METTL25: variants seen among roughly 807,000 people sequenced by gnomAD.
METTL25 encodes the protein probable methyltransferase-like protein 25.
METTL25 carries 64 observed loss-of-function variants against 71.6 expected under a neutral mutation model. That is an observed-to-expected ratio of 0.89 (90% CI 0.73 to 1.10). The LOEUF is 1.10. METTL25 is among the 50% of genes least tolerant of loss of function. The probability of loss-of-function intolerance (pLI) is 0.00; values close to 1 mark genes in which losing one functional copy is unlikely to be tolerated. For missense variants in METTL25, 807 were observed against 707.0 expected, an observed-to-expected ratio of 1.14 and a Z score of -1.60; for synonymous variants, 287 against 250.3, an observed-to-expected ratio of 1.15 and a Z score of -1.38.
intron 5 of METTL25, among the ~76,000 whole-genome samples, chr12:82,427,669 A>C (rs553401181): frequency 6.6e-6 from 1 of 152,020 alleles, no homozygotes; most frequent in South Asian, 2.1e-4. Flanking sequence ...CTCAAATAGC[A>C]CACCCTCAGA....
intron 1 of METTL25, among the ~76,000 whole-genome samples, chr12:82,382,478 A>G (rs942688557): frequency 6.6e-6 from 1 of 152,194 alleles, no homozygotes; most frequent in African/African-American, 2.4e-5. Context: ...TGCTATTACC[A>G]TGGAGCCTTA....
chr12:82,477,192 T>C lies in METTL25; in HGVS notation c.1648-89T>C, dbSNP rs554342942. On this transcript the variant is annotated intron_variant, in intron 10 of 11. Transcript: ENST00000248306. ...TTCAGCCTATATAAACTTCTGTAGA[T>C]ACATTTATTTAAACATAAGTTTAAG... The C allele has an allele frequency of 8.0e-5, 48 of 599,702 alleles. No individual in the cohort carries two copies. In the South Asian group the frequency reaches 1.2e-3, roughly 15 times the overall value. 37.1% of individuals were successfully genotyped at this position (599,702 alleles called of 1,614,324 possible).
chr12:82,416,804 G>A (rs1017356593), intron 5 of METTL25, among the ~76,000 whole-genome samples: 4 of 151,882 alleles, frequency 2.6e-5, no homozygotes, highest in Non-Finnish European at 2.9e-5. Flanking sequence ...TTTAGAAACC[G>A]GTAACATGTA....
intron 8 of METTL25, among the ~76,000 whole-genome samples, chr12:82,447,566 TAAAC>T (rs1466999598): frequency 6.6e-6 from 1 of 151,864 alleles, no homozygotes; most frequent in East Asian, 1.9e-4. Context: ...AAATATGTGG[TAAAC>T]AAGCAAGAAC....
chr12:82,457,708 A>G (rs1353393227), intron 9 of METTL25, among the ~76,000 whole-genome samples: 2 of 152,016 alleles, frequency 1.3e-5, no homozygotes, highest in African/African-American at 4.8e-5. Context: ...TAACTATATG[A>G]TACTCCTTTT....
chr12:82,361,111 TCCATTTTACAGAGA>T (rs1331064808), intron 1 of METTL25, among the ~76,000 whole-genome samples: 3 of 152,130 alleles, frequency 2.0e-5, no homozygotes, highest in Non-Finnish European at 4.4e-5. Context: ...TGCCGATTGG[TCCATTTTACAGAGA>T]GCTGATTGGT....
At chr12:82,437,553 A>AG (rs373003133) in intron 7 of METTL25, among the ~76,000 whole-genome samples, 183 of 151,752 alleles carry the variant, frequency 1.2e-3, no homozygotes, top group African/African-American at 4.4e-3. Context: ...AATAAGGGAG[A>AG]GGGGCAGTAG....
chr12:82,448,542 T>C (rs926402591), intron 8 of METTL25, among the ~76,000 whole-genome samples: 7 of 152,092 alleles, frequency 4.6e-5, no homozygotes, highest in Admixed American at 1.3e-4. Flanking sequence ...TTTTTCACTT[T>C]ATTATTCTCT....
chr12:82,400,772 T>C (rs1444978430), intron 4 of METTL25, among the ~76,000 whole-genome samples: 1 of 152,076 alleles, frequency 6.6e-6, no homozygotes, highest in Admixed American at 6.5e-5. Flanking sequence ...ACACCCCCTA[T>C]TCCCCCTACC....
intron 2 of METTL25, among the ~76,000 whole-genome samples, chr12:82,389,528 C>T (rs1227306127): frequency 6.6e-6 from 1 of 152,006 alleles, no homozygotes; most frequent in African/African-American, 2.4e-5. Context: ...CTTTTTACCT[C>T]ATAATGTTGT....
chr12:82,359,437 AGGATTTT>A (rs908901263), intron 1 of METTL25, among the ~76,000 whole-genome samples: 10 of 152,144 alleles, frequency 6.6e-5, no homozygotes, highest in African/African-American at 1.9e-4. Flanking sequence ...AGGCCTTGGA[AGGATTTT>A]GGATTTTAAG....
intron 9 of METTL25, among the ~76,000 whole-genome samples, chr12:82,459,501 C>T (rs899841870): frequency 3.3e-5 from 5 of 152,086 alleles, no homozygotes; most frequent in African/African-American, 1.2e-4. Flanking sequence ...GTGATATGCA[C>T]CTCTAGTCCC....
intron 9 of METTL25, among the ~76,000 whole-genome samples, chr12:82,464,848 A>T (rs1892124880): frequency 1.3e-5 from 2 of 150,668 alleles, no homozygotes; most frequent in African/African-American, 4.9e-5. Context: ...TTATTCGTAT[A>T]TATTTTATTT....
intron 8 of METTL25, among the ~76,000 whole-genome samples, chr12:82,444,953 T>C (rs1365454874): frequency 6.6e-6 from 1 of 152,122 alleles, no homozygotes; most frequent in African/African-American, 2.4e-5. Flanking sequence ...GAGTTGAATA[T>C]ACCAGACTCT....
At chr12:82,438,512 C>CTTTTTTTTTTTTTT (rs58370071) in intron 7 of METTL25, 1 of 208,268 alleles carries the variant, frequency 4.8e-6, no homozygotes, top group African/African-American at 2.8e-5. Flanking sequence ...TTTATGGTTT[C>CTTTTTTTTTTTTTT]TTTTTTTTTT....
chr12:82,444,038 A>G (rs923684032), intron 8 of METTL25, among the ~76,000 whole-genome samples: 7 of 152,202 alleles, frequency 4.6e-5, no homozygotes, highest in Non-Finnish European at 1.0e-4. Context: ...TAATACAGAA[A>G]ACTTTTAAAC....
intron 6 of METTL25, among the ~76,000 whole-genome samples, chr12:82,431,834 C>T (rs1021852548): frequency 6.6e-6 from 1 of 151,588 alleles, no homozygotes; most frequent in African/African-American, 2.4e-5. Flanking sequence ...GTGGTCAGAA[C>T]ACTTAAACAT....
At chr12:82,442,262 TA>T (rs1375905228) in intron 8 of METTL25, among the ~76,000 whole-genome samples, 1 of 152,274 alleles carries the variant, frequency 6.6e-6, no homozygotes, top group East Asian at 1.9e-4. Flanking sequence ...GACTTACCTT[TA>T]TACAAAAACT....
intron 1 of METTL25, among the ~76,000 whole-genome samples, chr12:82,372,494 A>G (rs183154404): frequency 3.4e-3 from 517 of 152,342 alleles, no homozygotes; most frequent in South Asian, 7.9e-3. Context: ...TTCTCCTTCA[A>G]TGAAAAGAAA....
Sources: allele counts gnomAD v4.1 joint callset (sites outside exome capture counted in the v4.1 genomes callset), GRCh38; gene constraint gnomAD v4.1.1; transcripts MANE v1.5; gene names NCBI Gene and HGNC (gene_info 2026-07-23, HGNC 2026-07-21).